Variants in CES4A observed in about 807,000 individuals in gnomAD.
CES4A encodes the protein carboxylesterase 6.
In CES4A, 48 loss-of-function variants were observed where a neutral mutation model predicts 65.4. The ratio of observed to expected loss-of-function variants is 0.73; its 90% CI spans 0.58 to 0.93. The LOEUF is 0.93. Among genes scored for constraint, CES4A ranks in the 40% least tolerant of loss-of-function variants. The pLI, the probability that CES4A is intolerant of heterozygous loss-of-function variation, is 0.00. For synonymous variants in CES4A, 247 were observed against 281.8 expected (o/e 0.88, Z 1.24); for missense variants, 685 against 728.5 (o/e 0.94, Z 0.69).
chr16:67,000,948 T>C lies in CES4A; in HGVS notation c.494T>C (p.Leu165Pro), dbSNP rs1474547024. 6.2e-7 allele frequency: 1 copy of C among 1,613,084 alleles called. No homozygotes were observed. Among genetic ancestry groups the C allele is most frequent in the Admixed American group, 1.7e-5 (1 of 59,970 alleles). ...TTGGCCGCCCGCGAGAAAGTGGTGC[T>C]GGTGTTTCTGCAGCACAGGCTCGGC... is the stretch of plus-strand genomic sequence containing the variant. The change falls in exon 4 of 14, where the codon CTG (leucine) becomes CCG (proline). Residue 165 changes from leucine to proline, a missense_variant. Coordinates refer to ENST00000648724, the Ensembl canonical transcript of CES4A. This position sits in a 1 kb window ranked among gnomAD's most constrained non-coding sequence, Gnocchi z 4.2.
chr16:67,010,052 G>A (rs890158778), downstream of CES4A, among the ~76,000 whole-genome samples: 26 of 149,294 alleles, frequency 1.7e-4, no homozygotes, highest in African/African-American at 5.4e-4. Context: ...GTTTTGTTTC[G>A]TTGTTTTGTG....
At chr16:67,002,298 C>T (rs766103754) in intron 5 of CES4A, among the ~76,000 whole-genome samples, 11 of 152,252 alleles carry the variant, frequency 7.2e-5, no homozygotes, top group African/African-American at 2.6e-4. Context: ...AGATTGTAAG[C>T]AGCAAAGTGA....
intron 1 of CES4A, among the ~76,000 whole-genome samples, chr16:66,992,871 A>G (rs1964500603): frequency 6.6e-6 from 1 of 151,816 alleles, no homozygotes; most frequent in Admixed American, 6.6e-5. Context: ...TTTTTAGTAG[A>G]GATGGGGTTT....
chr16:66,995,906 ACT>A, intron 2 of CES4A, 77 bp downstream of exon 2: 11 of 1,326,444 alleles, frequency 8.3e-6, no homozygotes, highest in Non-Finnish European at 1.2e-5. Flanking sequence ...TGCACAGCTC[ACT>A]GAGAAGAACT....
Position 67,001,134 on chromosome 16 carries a change from C to T in CES4A, c.536+144C>T, listed in dbSNP as rs970917590. 8.4e-5 allele frequency: 115 copies of T among 1,364,914 alleles called. No homozygotes were observed. Among genetic ancestry groups the T allele is most frequent in the Middle Eastern group, 7.8e-4 (3 of 3,866 alleles). 84.6% of individuals were successfully genotyped at this position (1,364,914 alleles called of 1,614,324 possible). On this transcript the variant is annotated intron_variant, in intron 4 of 13. Transcript: ENST00000648724. This position sits in a 1 kb window ranked among gnomAD's most constrained non-coding sequence, Gnocchi z 4.1. ...GGGGCCTGGCGCTCGGTGGAAGGGG[C>T]GGGCGCTCCATACCATCTGGATGGG...
chr16:66,990,874 C>T (rs1181414399), intron 1 of CES4A, among the ~76,000 whole-genome samples: 1 of 151,788 alleles, frequency 6.6e-6, no homozygotes. Flanking sequence ...AATGATGCTT[C>T]CAGTATTCAC....
At chr16:66,994,299 C>T (rs1322831441) in intron 1 of CES4A, among the ~76,000 whole-genome samples, 2 of 146,914 alleles carry the variant, frequency 1.4e-5, no homozygotes, top group South Asian at 2.2e-4. Context: ...TGCAGTGGCG[C>T]GATCTCGGCT....
intron 11 of CES4A, 43 bp from the exon 12 acceptor site, chr16:67,006,348 C>G (rs1965756596): frequency 6.5e-7 from 1 of 1,535,114 alleles, no homozygotes; most frequent in Non-Finnish European, 8.7e-7. Context: ...GAAGCCTAGG[C>G]AGAGGCTTTT....
rs766117104 is a variant in CES4A at position 67,000,630 on chromosome 16, G to A, written c.261-8G>A. 1.2e-5 allele frequency: 18 copies of A among 1,536,272 alleles called. No homozygotes were observed. Among genetic ancestry groups the A allele is most frequent in the South Asian group, 9.6e-5 (8 of 83,482 alleles). On this transcript the variant is annotated splice_polypyrimidine_tract_variant and splice_region_variant and intron_variant, in intron 2 of 13. Transcript: ENST00000648724. The surrounding 1 kb of genome is among the most constrained non-coding windows in gnomAD (Gnocchi z 4.2). Reference sequence around the variant, plus strand: ...CCCGCGGCCGCCGCCGCTACCTGGTGCCCGCAGGTGCCTGCAGGAGTCCTG... The same window carrying A: ...CCCGCGGCCGCCGCCGCTACCTGGTACCCGCAGGTGCCTGCAGGAGTCCTG...
At chr16:67,004,695 A>G in intron 9 of CES4A, 98 bp from the exon 10 acceptor site, 1 of 931,994 alleles carries the variant, frequency 1.1e-6, no homozygotes, top group East Asian at 2.6e-5. Context: ...ATAACTCATC[A>G]TTAGATGGGC....
At chr16:67,002,990 C>A in intron 5 of CES4A, 80 bp from the exon 6 acceptor site, 1 of 1,243,308 alleles carries the variant, frequency 8.0e-7, no homozygotes, top group Non-Finnish European at 1.2e-6. Flanking sequence ...GCTGCCTGCC[C>A]ATGGCCAGAC....
chr16:67,008,888 A>C, intron 13 of CES4A, 86 bp from the exon 14 acceptor site: 1 of 1,404,544 alleles, frequency 7.1e-7, no homozygotes, highest in South Asian at 1.3e-5. Flanking sequence ...CCAAGTCCCA[A>C]GGGCAAATTA....
rs565460295 is a variant in CES4A at position 67,004,007 on chromosome 16, TGAA to T, written c.940-75_940-73del. 20 of 1,518,352 alleles carry T rather than the reference TGAA, an allele frequency of 1.3e-5. No homozygotes were observed. The Admixed American group carries it at 3.4e-4, about 26-fold the overall frequency. The allele number at this position is 1,518,352 out of a possible 1,614,324, so 94.1% of individuals were successfully genotyped here. On this transcript the variant is annotated intron_variant, in intron 8 of 13. Coordinates refer to ENST00000648724, the Ensembl canonical transcript of CES4A. Reference sequence around the variant, plus strand: ...AAAGAACCTAGGCTAGAGCAGCCTCTGAAGGGGCACCCAAGGTTGCAGGGACCC... The same window carrying T: ...AAAGAACCTAGGCTAGAGCAGCCTCTGGGGCACCCAAGGTTGCAGGGACCC...
At chr16:67,004,920 C>T (rs1407988229) in intron 10 of CES4A, 47 bp downstream of exon 10, 1 of 1,446,536 alleles carries the variant, frequency 6.9e-7, no homozygotes, top group Non-Finnish European at 9.4e-7. Context: ...CAGGGTTGAC[C>T]CCCCTGTTTT....
intron 1 of CES4A, among the ~76,000 whole-genome samples, chr16:66,992,200 A>G (rs1472477241): frequency 6.6e-6 from 1 of 152,168 alleles, no homozygotes; most frequent in Non-Finnish European, 1.5e-5. Flanking sequence ...TCCAGTGGAG[A>G]AGCCCATGTG....
Position 67,003,395 on chromosome 16 carries a change from C to T in CES4A, c.900+35C>T, listed in dbSNP as rs1365437444. The T allele has an allele frequency of 7.5e-6, 12 of 1,604,726 alleles. No individual in the cohort carries two copies. Among genetic ancestry groups the T allele is most frequent in the Non-Finnish European group, 1.0e-5 (12 of 1,171,634 alleles). ...ACATTCCAGCTGCCTGACCTGGCTG[C>T]CTGAGGGCCATCCTCCTATCCTGGT... is the stretch of plus-strand genomic sequence containing the variant. On this transcript the variant is annotated intron_variant, in intron 7 of 13. Transcript: ENST00000648724. This position sits in a 1 kb window ranked among gnomAD's most constrained non-coding sequence, Gnocchi z 4.2.
At chr16:66,989,857 A>G (rs1964236948) in intron 1 of CES4A, among the ~76,000 whole-genome samples, 1 of 149,882 alleles carries the variant, frequency 6.7e-6, no homozygotes, top group Non-Finnish European at 1.5e-5. Context: ...CTCTATCTCA[A>G]AAAAAAAAAC....
At chr16:67,006,208 T>C (rs1401260589) in intron 11 of CES4A, 183 bp from the exon 12 acceptor site, 4 of 599,696 alleles carry the variant, frequency 6.7e-6, no homozygotes, top group Admixed American at 3.0e-5. Context: ...TTCAGAAAGG[T>C]AGAGCAACTT....
chr16:67,008,704 A>T (rs1567592907), intron 13 of CES4A: 7 of 375,246 alleles, frequency 1.9e-5, no homozygotes, highest in Non-Finnish European at 3.4e-5. Flanking sequence ...CTGGCCACAC[A>T]CACACTCTGT....
Sources: gnomAD v4.1 joint callset for allele counts (sites outside exome capture counted in the v4.1 genomes callset) on GRCh38, gnomAD v4.1.1 for gene constraint, Gnocchi (gnomAD v3.1) non-coding constraint, MANE v1.5 for transcripts, NCBI Gene and HGNC (gene_info 2026-07-23, HGNC 2026-07-21) for gene names.